TNPO1: variants seen among roughly 807,000 people sequenced by gnomAD.
TNPO1 encodes the protein transportin-1.
TNPO1 carries 8 observed loss-of-function variants against 119.5 expected under a neutral mutation model. The ratio of observed to expected loss-of-function variants is 0.07; its 90% CI spans 0.04 to 0.12. TNPO1 has a LOEUF of 0.12. Among genes scored for constraint, TNPO1 ranks in the 10% least tolerant of loss-of-function variants. The pLI, the probability that TNPO1 is intolerant of heterozygous loss-of-function variation, is 1.00. For missense variants in TNPO1, 576 were observed against 1,089.8 expected, an observed-to-expected ratio of 0.53 and a Z score of 6.64; for synonymous variants, 362 against 363.0, an observed-to-expected ratio of 1.00 and a Z score of 0.03.
intron 22 of TNPO1, 26 bp from the exon 23 acceptor site, chr5:72,903,683 T>C (rs140378526): frequency 3.3e-6 from 5 of 1,518,586 alleles, no homozygotes; most frequent in Non-Finnish European, 4.5e-6. Context: ...AATATCAACC[T>C]AAGATGTATT....
intron 9 of TNPO1, among the ~76,000 whole-genome samples, chr5:72,881,420 A>G (rs1748239512): frequency 6.6e-6 from 1 of 152,156 alleles, no homozygotes; most frequent in Non-Finnish European, 1.5e-5. Context: ...CCACGAATAA[A>G]CCATACTAAC....
chr5:72,876,740 C>T (rs544869528), intron 8 of TNPO1, among the ~76,000 whole-genome samples: 1 of 152,178 alleles, frequency 6.6e-6, no homozygotes, highest in South Asian at 2.1e-4. Context: ...CATTGAGTAG[C>T]AGTTTAAATC....
intron 10 of TNPO1, 67 bp downstream of exon 10, chr5:72,882,594 G>T: frequency 8.4e-7 from 1 of 1,196,552 alleles, no homozygotes; most frequent in South Asian, 1.4e-5. Context: ...CTTTGGATTT[G>T]GCCAATAAAA....
rs139088609 is a variant in TNPO1 at position 72,913,985 on chromosome 5, G to C, written c.*5312G>C. The C allele has an allele frequency of 2.0e-3, 301 of 152,638 alleles. 3 individuals are homozygous for C. The highest frequency in any genetic ancestry group is 7.0e-3 in the African/African-American group (291 of 41,558). The allele number at this position is 152,638 out of a possible 1,614,324, so 9.5% of individuals were successfully genotyped here. On this transcript the variant is annotated 3_prime_UTR_variant, in exon 25 of 25. Coordinates refer to ENST00000337273, the MANE Select transcript of TNPO1 (RefSeq NM_002270.4). ...TAACATTGGGTGCAATAATTTAGTA[G>C]CATTAGCTTTAGTTACAAATATAAC...
chr5:72,881,462 A>G (rs1488560003), intron 9 of TNPO1, among the ~76,000 whole-genome samples: 2 of 152,198 alleles, frequency 1.3e-5, no homozygotes, highest in Non-Finnish European at 2.9e-5. Context: ...CTCTAGACTA[A>G]TTGAACTCTG....
intron 1 of TNPO1, among the ~76,000 whole-genome samples, chr5:72,827,917 C>CA (rs111327220): frequency 0.069 from 5,454 of 79,006 alleles, 169 homozygotes; most frequent in African/African-American, 0.16. Flanking sequence ...GAGATCCTGC[C>CA]AAAAAAAAAA....
rs577516742 is a variant in TNPO1, at chr5:72,913,533, A to T, written c.*4860A>T. The stretch of plus-strand genomic sequence containing the variant: ...TTCACCTCTTGTACATTTTAAAACC[A>T]GGCCAAATCTATTTGCCAAGCAGTG... On this transcript the variant is annotated 3_prime_UTR_variant, in exon 25 of 25. Transcript: ENST00000337273. The T allele has an allele frequency of 1.3e-5, 2 of 152,614 alleles. No individual in the cohort carries two copies. The highest frequency in any genetic ancestry group is 3.9e-4 in the East Asian group (2 of 5,186). 9.5% of individuals were successfully genotyped at this position (152,614 alleles called of 1,614,324 possible).
At chr5:72,907,413 T>A (rs1750248869) in intron 24 of TNPO1, among the ~76,000 whole-genome samples, 1 of 152,182 alleles carries the variant, frequency 6.6e-6, no homozygotes, top group Non-Finnish European at 1.5e-5. Flanking sequence ...TATTCCTGCC[T>A]TTTTGTACTC....
intron 1 of TNPO1, among the ~76,000 whole-genome samples, chr5:72,820,875 G>A (rs1424234265): frequency 6.6e-6 from 1 of 152,070 alleles, no homozygotes; most frequent in Non-Finnish European, 1.5e-5. Flanking sequence ...TCTTTACCTG[G>A]ATGAGATATA....
chr5:72,883,570 G>A (rs1031223235), intron 11 of TNPO1, among the ~76,000 whole-genome samples: 2 of 152,048 alleles, frequency 1.3e-5, no homozygotes, highest in Non-Finnish European at 1.5e-5. Flanking sequence ...AAGTTTTCAC[G>A]GTTCATTTTG....
At chr5:72,868,777 G>A (rs892828064) in intron 6 of TNPO1, among the ~76,000 whole-genome samples, 9 of 152,040 alleles carry the variant, frequency 5.9e-5, no homozygotes, top group East Asian at 3.9e-4. Context: ...TAGGCTGGGC[G>A]CGGTGGATCA....
chr5:72,868,446 A>C lies in TNPO1; in HGVS notation c.596+2717A>C, dbSNP rs1298251226. ...GACTCCGTCTCAAAAAAAAAAAAAA[A>C]AAAAAAAAAAAAACACAAAATAATA... is the stretch of plus-strand genomic sequence containing the variant. On this transcript the variant is annotated intron_variant, in intron 6 of 24. Transcript: ENST00000337273. Among the ~76,000 whole-genome samples, 36 of 148,246 alleles carry C rather than the reference A, an allele frequency of 2.4e-4. 1 individual carries two copies. The highest frequency in any genetic ancestry group is 8.3e-4 in the African/African-American group (34 of 40,988).
chr5:72,883,772 C>G (rs979880293), intron 11 of TNPO1, among the ~76,000 whole-genome samples: 1 of 152,048 alleles, frequency 6.6e-6, no homozygotes, highest in Non-Finnish European at 1.5e-5. Context: ...GGCAGGGTCT[C>G]TGTCACCCAG....
At chr5:72,856,239 T>C (rs1490649110) in intron 4 of TNPO1, among the ~76,000 whole-genome samples, 3 of 151,948 alleles carry the variant, frequency 2.0e-5, no homozygotes, top group Admixed American at 6.6e-5. Context: ...GTTCTGTTTG[T>C]TTTTTTGTTT....
chr5:72,882,594 G>A (rs747355498), intron 10 of TNPO1, 67 bp downstream of exon 10: 284 of 1,196,422 alleles, frequency 2.4e-4, no homozygotes, highest in Non-Finnish European at 3.3e-4. Flanking sequence ...CTTTGGATTT[G>A]GCCAATAAAA....
chr5:72,897,102 A>G lies in TNPO1; in HGVS notation c.2289A>G (p.Val763=). ...PYIPMVLHQL[V]EIINRPNTPK... ...TTCCTATGGTGTTGCACCAGCTTGTAGAAATCATTAACAGACCCAACACAC... is the reference window on the plus strand; with the variant it reads ...TTCCTATGGTGTTGCACCAGCTTGTGGAAATCATTAACAGACCCAACACAC... Residue 763 remains valine (V), a synonymous_variant, in exon 20 of 25, where the codon GTA becomes GTG. Transcript: ENST00000337273. 1 of 1,612,526 alleles carries G rather than the reference A, an allele frequency of 6.2e-7. No homozygotes were observed. Among genetic ancestry groups the G allele is most frequent in the Non-Finnish European group, 8.5e-7 (1 of 1,179,502 alleles).
intron 1 of TNPO1, among the ~76,000 whole-genome samples, chr5:72,828,572 G>A (rs1744308582): frequency 6.6e-6 from 1 of 152,060 alleles, no homozygotes; most frequent in Non-Finnish European, 1.5e-5. Context: ...GCATACATCT[G>A]TGCCTCTTTA....
chr5:72,896,632 G>A, intron 19 of TNPO1, 76 bp downstream of exon 19: 1 of 1,129,282 alleles, frequency 8.9e-7, no homozygotes, highest in Non-Finnish European at 1.3e-6. Context: ...CACTTCGGGA[G>A]GCTGAGGCGG....
intron 20 of TNPO1, 51 bp from the exon 21 acceptor site, chr5:72,899,955 C>G (rs762709025): frequency 6.8e-7 from 1 of 1,466,382 alleles, no homozygotes; most frequent in South Asian, 1.2e-5. Context: ...CTCATTTGCT[C>G]ATGTCTTGGT....
Sources: allele counts gnomAD v4.1 joint callset (sites outside exome capture counted in the v4.1 genomes callset), GRCh38; gene constraint gnomAD v4.1.1; transcripts MANE v1.5; gene names NCBI Gene and HGNC (gene_info 2026-07-23, HGNC 2026-07-21).